The following ZRANB1 variants were observed in gnomAD, a reference collection of about 807,000 sequenced individuals.
ZRANB1 encodes zinc finger RANBP2-type containing 1, also known as ubiquitin thioesterase ZRANB1.
Under a neutral mutation model 80.5 loss-of-function variants are expected in ZRANB1, and 16 were observed. The observed-to-expected ratio is 0.20, with a 90% CI of 0.13 to 0.30. The LOEUF is 0.30. ZRANB1 is among the 10% of genes least tolerant of loss of function. ZRANB1 has a pLI of 1.00. For synonymous variants in ZRANB1, 291 were observed against 293.1 expected (o/e 0.99, Z 0.07); for missense variants, 576 against 862.6 (o/e 0.67, Z 4.16).
intron 1 of ZRANB1, among the ~76,000 whole-genome samples, chr10:124,962,643 A>G (rs1423564086): frequency 6.6e-6 from 1 of 152,090 alleles, no homozygotes; most frequent in African/African-American, 2.4e-5. Flanking sequence ...AAAATACGTA[A>G]ACTGTACTCC....
intron 6 of ZRANB1, among the ~76,000 whole-genome samples, chr10:124,982,416 A>C (rs1951943659): frequency 6.6e-6 from 1 of 152,228 alleles, no homozygotes; most frequent in Non-Finnish European, 1.5e-5. Context: ...TTTCTGATTA[A>C]TGTGGGAATG....
chr10:124,972,055 C>A lies in ZRANB1; in HGVS notation c.1093C>A (p.Gln365Lys), dbSNP rs777705714. Reference sequence around the variant, plus strand: ...GAGAGAGATAGCTGCCTCTCTTCATCAGAGAAAGGGGGATTTTGCTTGCTA... The same window carrying A: ...GAGAGAGATAGCTGCCTCTCTTCATAAGAGAAAGGGGGATTTTGCTTGCTA... ...IRREIAASLH[Q>K]RKGDFACYFL... Residue 365 changes from glutamine (Q) to lysine (K), a missense_variant, in exon 3 of 9, where the codon CAG becomes AAG. Physicochemically the swap from Gln to Lys is moderately conservative, Grantham distance 53. Coordinates refer to ENST00000359653, the MANE Select transcript of ZRANB1 (RefSeq NM_017580.3). 1.2e-5 allele frequency: 19 copies of A among 1,613,772 alleles called. No homozygotes were observed. Among genetic ancestry groups the A allele is most frequent in the Non-Finnish European group, 5.9e-6 (7 of 1,179,846 alleles).
At chr10:124,923,044 A>G in the ZRANB1 span, among the ~76,000 whole-genome samples, 1 of 151,906 alleles carries the variant, frequency 6.6e-6, no homozygotes, top group Non-Finnish European at 1.5e-5. Flanking sequence ...ATCCCAGCAC[A>G]TTAGGAGGCC....
upstream of ZRANB1, among the ~76,000 whole-genome samples, chr10:124,941,481 T>A (rs1232624142): frequency 6.6e-6 from 1 of 152,024 alleles, no homozygotes; most frequent in Non-Finnish European, 1.5e-5. Flanking sequence ...GCCTCCTGAG[T>A]AGCTGGGATT....
intron 5 of ZRANB1, among the ~76,000 whole-genome samples, chr10:124,980,772 C>CT (rs928784674): frequency 3.3e-5 from 5 of 151,628 alleles, no homozygotes; most frequent in Non-Finnish European, 5.9e-5. Flanking sequence ...ACCCATTTAA[C>CT]TTTTTTTTTC....
the ZRANB1 span, among the ~76,000 whole-genome samples, chr10:124,916,927 G>A: frequency 1.3e-5 from 2 of 151,862 alleles, no homozygotes; most frequent in East Asian, 1.9e-4. Flanking sequence ...GCCGCCATTA[G>A]GGTCCGCAGC....
At chr10:124,921,593 C>G in the ZRANB1 span, among the ~76,000 whole-genome samples, 2 of 152,104 alleles carry the variant, frequency 1.3e-5, no homozygotes, top group Non-Finnish European at 2.9e-5. Flanking sequence ...GAAACCTGTC[C>G]TCTTTCTCCA....
chr10:124,954,083 T>C (rs1316155686), intron 1 of ZRANB1, among the ~76,000 whole-genome samples: 4 of 151,228 alleles, frequency 2.6e-5, no homozygotes, highest in African/African-American at 7.3e-5. Flanking sequence ...TCTCCCACTT[T>C]CAGCCTCCTG....
At chr10:124,937,437 C>T (rs371375436), upstream of ZRANB1, among the ~76,000 whole-genome samples, 3 of 152,008 alleles carry the variant, frequency 2.0e-5, no homozygotes, top group East Asian at 3.9e-4. Flanking sequence ...CCACCCGCCT[C>T]GGCCTCCCAA....
chr10:124,964,118 G>A (rs1320396489), intron 1 of ZRANB1, among the ~76,000 whole-genome samples: 1 of 152,192 alleles, frequency 6.6e-6, no homozygotes, highest in Non-Finnish European at 1.5e-5. Flanking sequence ...TGATAATTTT[G>A]TATTAGGTCA....
intron 1 of ZRANB1, among the ~76,000 whole-genome samples, chr10:124,947,971 A>G (rs1951598551): frequency 1.3e-5 from 2 of 152,212 alleles, no homozygotes; most frequent in South Asian, 2.1e-4. Flanking sequence ...CAAAAACTCT[A>G]CAAGGCCATC....
chr10:124,983,739 A>G lies in ZRANB1; in HGVS notation c.1908+51A>G, dbSNP rs1326163086. ...TTCTAGTAGTGACCTTGTACCAGAA[A>G]CAGCCTGAAGTGCCTTTCAGGTGTG... is the stretch of plus-strand genomic sequence containing the variant. On this transcript the variant is annotated intron_variant, in intron 8 of 8. Coordinates refer to ENST00000359653, the MANE Select transcript of ZRANB1 (RefSeq NM_017580.3). The surrounding 1 kb of genome is among the most constrained non-coding windows in gnomAD (Gnocchi z 6.2). 8 of 1,433,768 alleles carry G rather than the reference A, an allele frequency of 5.6e-6. No homozygotes were observed. The highest frequency in any genetic ancestry group is 2.3e-4 in the Middle Eastern group (1 of 4,392). 88.8% of individuals were successfully genotyped at this position (1,433,768 alleles called of 1,614,324 possible).
intron 1 of ZRANB1, among the ~76,000 whole-genome samples, chr10:124,955,913 T>TC: frequency 6.6e-6 from 1 of 152,038 alleles, no homozygotes; most frequent in Non-Finnish European, 1.5e-5. Flanking sequence ...TGAAAGTACT[T>TC]CCTGACACCT....
At chr10:124,939,339 T>TA (rs1022656167), upstream of ZRANB1, among the ~76,000 whole-genome samples, 3 of 152,096 alleles carry the variant, frequency 2.0e-5, no homozygotes, top group Non-Finnish European at 4.4e-5. Flanking sequence ...TATTATCTAA[T>TA]ATAAGGCACA....
At chr10:124,978,528 T>G (rs1211179104) in intron 5 of ZRANB1, among the ~76,000 whole-genome samples, 1 of 152,218 alleles carries the variant, frequency 6.6e-6, no homozygotes, top group Non-Finnish European at 1.5e-5. Flanking sequence ...TATATTGTAC[T>G]TGCCTTTCAG....
chr10:124,937,797 T>G (rs966810203), upstream of ZRANB1, among the ~76,000 whole-genome samples: 18 of 152,338 alleles, frequency 1.2e-4, no homozygotes, highest in Middle Eastern at 3.4e-3. Context: ...GTTGATATAT[T>G]TAGAGACATT....
At chr10:124,975,508 T>C (rs1951868859) in intron 5 of ZRANB1, among the ~76,000 whole-genome samples, 2 of 152,188 alleles carry the variant, frequency 1.3e-5, no homozygotes, top group African/African-American at 4.8e-5. Context: ...AAGTGTTCTT[T>C]ATATATATAT....
At chr10:124,953,725 G>A (rs1000585697) in intron 1 of ZRANB1, among the ~76,000 whole-genome samples, 3 of 152,160 alleles carry the variant, frequency 2.0e-5, no homozygotes, top group African/African-American at 7.2e-5. Context: ...CTGTTCTGTG[G>A]ATTGCTTTGC....
chr10:124,943,868 A>G (rs1028805693), intron 1 of ZRANB1, among the ~76,000 whole-genome samples: 1 of 152,254 alleles, frequency 6.6e-6, no homozygotes, highest in African/African-American at 2.4e-5. Flanking sequence ...TTGTGATGAT[A>G]GAAGCTTTAG....
Sources: allele counts gnomAD v4.1 joint callset (sites outside exome capture counted in the v4.1 genomes callset), GRCh38; gene constraint gnomAD v4.1.1; non-coding constraint Gnocchi (gnomAD v3.1); transcripts MANE v1.5; gene names NCBI Gene and HGNC (gene_info 2026-07-23, HGNC 2026-07-21).